ERC1: variants seen among roughly 807,000 people sequenced by gnomAD.
ERC1 encodes the protein ELKS/RAB6-interacting/CAST family member 1, also known as RAB6 interacting protein 2.
ERC1 carries 56 observed loss-of-function variants against 132.0 expected under a neutral mutation model. The observed-to-expected ratio is 0.42, with a 90% confidence interval of 0.34 to 0.53. ERC1 has a LOEUF of 0.53. Ranked by LOEUF, ERC1 falls within the 20% of genes least tolerant of loss-of-function variation. The pLI is 0.03. For missense variants in ERC1, 1,202 were observed against 1,349.9 expected (o/e 0.89, Z 1.72); for synonymous variants, 478 against 476.1 (o/e 1.00, Z -0.05).
Position 1,445,496 on chromosome 12 carries a change from G to T in ERC1, c.3213+746G>T, listed in dbSNP as rs142719324. Among the ~76,000 whole-genome samples, 655 of 152,218 alleles carry T rather than the reference G, an allele frequency of 4.3e-3. 8 individuals are homozygous for T. The highest frequency in any genetic ancestry group is 0.015 in the African/African-American group (624 of 41,534). On this transcript the variant is annotated intron_variant, in intron 18 of 18. Coordinates refer to ENST00000360905, the MANE Select transcript of ERC1 (RefSeq NM_178040.4). Reference sequence around the variant, plus strand: ...TCCTCCCACCTTGGCCTCCCAAGGTGCTGGGATTACAGGCGTGATTCACCG... The same window carrying T: ...TCCTCCCACCTTGGCCTCCCAAGGTTCTGGGATTACAGGCGTGATTCACCG...
At chr12:1,137,696 A>G (rs1566057922) in intron 7 of ERC1, among the ~76,000 whole-genome samples, 1 of 150,580 alleles carries the variant, frequency 6.6e-6, no homozygotes, top group East Asian at 2.0e-4. Flanking sequence ...CTAAAAATAC[A>G]AAAAAAATTA....
chr12:1,024,484 GAGGACTTTTA>G (rs1277094342), intron 1 of ERC1, among the ~76,000 whole-genome samples: 1 of 152,076 alleles, frequency 6.6e-6, no homozygotes, highest in African/African-American at 2.4e-5. Flanking sequence ...TCACATTTTT[GAGGACTTTTA>G]ACCTGTTTGA....
intron 11 of ERC1, among the ~76,000 whole-genome samples, chr12:1,185,996 T>C (rs1159203663): frequency 6.6e-6 from 1 of 152,210 alleles, no homozygotes; most frequent in African/African-American, 2.4e-5. Context: ...GTAAAGGCCA[T>C]GCTTAGTAAC....
chr12:1,408,057 C>T (rs2091619684), intron 16 of ERC1, 92 bp from the exon 17 acceptor site: 1 of 830,040 alleles, frequency 1.2e-6, no homozygotes, highest in Non-Finnish European at 2.0e-6. Context: ...TTAGTTTTAT[C>T]CTTTCTTATG....
chr12:1,412,143 TA>T (rs1286263979), intron 17 of ERC1, among the ~76,000 whole-genome samples: 1 of 152,232 alleles, frequency 6.6e-6, no homozygotes, highest in African/African-American at 2.4e-5. Context: ...GGATTTTACC[TA>T]AAGAAATGCA....
intron 18 of ERC1, among the ~76,000 whole-genome samples, chr12:1,477,269 A>G (rs2093993247): frequency 6.6e-6 from 1 of 152,266 alleles, no homozygotes. Flanking sequence ...TAAATGTGTT[A>G]ATCACTAAAG....
intron 8 of ERC1, among the ~76,000 whole-genome samples, chr12:1,172,552 C>A (rs923657042): frequency 2.0e-5 from 3 of 152,056 alleles, no homozygotes; most frequent in Admixed American, 2.0e-4. Context: ...TATATATAAA[C>A]CTGTTGGGTA....
In ERC1 at chr12:1,330,429, T is replaced by C. The variant is rs146914514; in HGVS notation, c.2780+40417T>C. On this transcript the variant is annotated intron_variant, in intron 15 of 18. Transcript: ENST00000360905. ...TTGCTGCCTGTTTTCCCTCACTCCT[T>C]CTCCCAGTTTTTGTATTATTATTAT... Among the ~76,000 whole-genome samples, 730 of 151,696 alleles carry C rather than the reference T, an allele frequency of 4.8e-3. 3 individuals carry two copies. The highest frequency in any genetic ancestry group is 0.017 in the African/African-American group (699 of 41,332).
chr12:1,121,667 C>CTCTA (rs779677706), intron 7 of ERC1, among the ~76,000 whole-genome samples: 27 of 54,750 alleles, frequency 4.9e-4, no homozygotes, highest in African/African-American at 1.4e-3. Flanking sequence ...CTATCTCTAT[C>CTCTA]TCTATCTCTA....
intron 18 of ERC1, among the ~76,000 whole-genome samples, chr12:1,480,202 C>T (rs143157521): frequency 3.8e-4 from 57 of 151,842 alleles, no homozygotes; most frequent in African/African-American, 1.3e-3. Context: ...TATGAGACTT[C>T]GTGCTTAAGT....
Position 1,151,602 on chromosome 12 carries a change from C to T in ERC1, c.1737+9815C>T, listed in dbSNP as rs76675937. Among the ~76,000 whole-genome samples, 1,000 of 152,298 alleles carry T rather than the reference C, an allele frequency of 6.6e-3. 12 individuals are homozygous for T. The highest frequency in any genetic ancestry group is 0.023 in the African/African-American group (943 of 41,568). ...TGGAGGTTTATACAAATCTTAGGTA[C>T]ACCAGGAAACCATCCTTTGAGCCAG... is the stretch of plus-strand genomic sequence containing the variant. On this transcript the variant is annotated intron_variant, in intron 8 of 18. Coordinates refer to ENST00000360905, the MANE Select transcript of ERC1 (RefSeq NM_178040.4).
At chr12:1,236,988 C>A (rs2075460141) in intron 13 of ERC1, 84 bp downstream of exon 13, 10 of 1,509,328 alleles carry the variant, frequency 6.6e-6, no homozygotes, top group Non-Finnish European at 9.1e-6. Flanking sequence ...CATCTTTATC[C>A]TCCTCTTTTT....
intron 17 of ERC1, among the ~76,000 whole-genome samples, chr12:1,414,998 A>C (rs2092044430): frequency 6.6e-6 from 1 of 152,254 alleles, no homozygotes; most frequent in Non-Finnish European, 1.5e-5. Flanking sequence ...AGGGAAGATA[A>C]GAAAGATGAA....
chr12:1,206,040 G>C (rs560441533), intron 12 of ERC1, among the ~76,000 whole-genome samples: 1 of 152,128 alleles, frequency 6.6e-6, no homozygotes, highest in South Asian at 2.1e-4. Flanking sequence ...CTTTTACCCA[G>C]CAGCAAATGC....
At chr12:1,154,460 C>G (rs946324816) in intron 8 of ERC1, among the ~76,000 whole-genome samples, 12 of 151,666 alleles carry the variant, frequency 7.9e-5, no homozygotes, top group African/African-American at 2.9e-4. Context: ...CATAAAAATT[C>G]TGGAAGATAA....
chr12:1,445,511 G>A (rs1468669376), intron 18 of ERC1, among the ~76,000 whole-genome samples: 2 of 152,076 alleles, frequency 1.3e-5, no homozygotes, highest in Admixed American at 6.5e-5. Context: ...GATTACAGGC[G>A]TGATTCACCG....
At chr12:1,055,912 A>G (rs1324384680) in intron 2 of ERC1, among the ~76,000 whole-genome samples, 6 of 152,168 alleles carry the variant, frequency 3.9e-5, no homozygotes, top group African/African-American at 1.2e-4. Context: ...TGGGAGGCCC[A>G]TGGCGGGAGA....
chr12:1,012,969 A>G (rs115462715), intron 1 of ERC1, among the ~76,000 whole-genome samples: 11 of 152,218 alleles, frequency 7.2e-5, no homozygotes, highest in Non-Finnish European at 1.2e-4. Flanking sequence ...TTAGTTATAA[A>G]TTTTTGGATT....
chr12:1,199,768 A>C (rs1009863201), intron 12 of ERC1, among the ~76,000 whole-genome samples: 4 of 152,070 alleles, frequency 2.6e-5, no homozygotes, highest in African/African-American at 9.7e-5. Flanking sequence ...ACAAGAGTGA[A>C]ACTCCCATCT....
Sources: allele counts gnomAD v4.1 joint callset (sites outside exome capture counted in the v4.1 genomes callset), GRCh38; gene constraint gnomAD v4.1.1; transcripts MANE v1.5; gene names NCBI Gene and HGNC (gene_info 2026-07-23, HGNC 2026-07-21).